MRC2: variants seen among roughly 807,000 people sequenced by gnomAD.
The protein encoded by MRC2 is mannose receptor C-type 2.
A neutral mutation model predicts 206.2 loss-of-function variants in MRC2; 84 were observed. The observed-to-expected ratio is 0.41, with a 90% CI of 0.34 to 0.49. The LOEUF (loss-of-function observed/expected upper bound fraction) is 0.49. Among genes scored for constraint, MRC2 ranks in the 20% least tolerant of loss-of-function variants. MRC2 has a pLI of 0.31. For missense variants in MRC2, 1,676 were observed against 2,001.5 expected (o/e 0.84, Z 3.10); for synonymous variants, 798 against 800.0 (o/e 1.00, Z 0.04).
Position 62,680,930 on chromosome 17 carries a change from G to A in MRC2, c.2604G>A (p.Glu868=). The change falls in exon 17 of 30, where the codon GAG becomes GAA. Residue 868 remains glutamate (E), a synonymous_variant. Coordinates refer to ENST00000303375, the MANE Select transcript of MRC2 (RefSeq NM_006039.5). The surrounding 1 kb of genome is among the most constrained non-coding windows in gnomAD (Gnocchi z 4.8). ...AELTSVHSQA[E]LDFLSHNLQK... is the part of the protein sequence containing the mutation. ...TGACCTCGGTGCACAGCCAGGCGGA[G>A]CTAGACTTCCTGAGCCACAACTTGC... 1 of 1,613,186 alleles carries A rather than the reference G, an allele frequency of 6.2e-7. No individual in the cohort carries two copies. Among genetic ancestry groups the A allele is most frequent in the Non-Finnish European group, 8.5e-7 (1 of 1,179,924 alleles).
chr17:62,635,191 CTTTTTTT>C (rs35446845), intron 1 of MRC2, among the ~76,000 whole-genome samples: 126 of 101,736 alleles, frequency 1.2e-3, no homozygotes, highest in African/African-American at 4.0e-3. Flanking sequence ...CTATTTTTCT[CTTTTTTT>C]TTTTTTTTTT....
At chr17:62,684,466 CATT>C (rs950795865) in intron 20 of MRC2, among the ~76,000 whole-genome samples, 3 of 152,182 alleles carry the variant, frequency 2.0e-5, no homozygotes, top group Non-Finnish European at 4.4e-5. Context: ...GGGGCACTGA[CATT>C]AATCACTATG....
chr17:62,689,717 G>T lies in MRC2; in HGVS notation c.3530G>T (p.Arg1177Leu), dbSNP rs143651722. The change falls in exon 24 of 30, where the codon CGA becomes CTA. Residue 1177 changes from arginine (R) to leucine (L), a missense_variant. This residue lies in a region of MRC2 where 1,354 missense variants were observed against 1,636.6 expected (regional missense o/e 0.83). Coordinates refer to ENST00000303375, the MANE Select transcript of MRC2 (RefSeq NM_006039.5). ...YTQAFLTQAA[R>L]GLRTPLWIGL... is the part of the protein sequence containing the mutation. ...CAGGCCTTCCTCACGCAGGCTGCCC[G>T]AGGGCTGCGCACGCCGCTCTGGATT... The T allele has an allele frequency of 4.5e-6, 7 of 1,567,442 alleles. No homozygotes were observed. The East Asian group carries it at 7.0e-5, about 16-fold the overall frequency.
rs374551169 is a variant in MRC2, at chr17:62,689,986, C to T, written c.3666C>T (p.Tyr1222=). The part of the protein sequence containing the change: ...GEPQQPGGCT[Y]VDVDGAWRTT... ...CGCAGCAGCCGGGGGGCTGTACCTA[C>T]GTAGATGTGGACGGGGCCTGGCGCA... The change falls in exon 25 of 30, where the codon TAC becomes TAT. Residue 1222 remains tyrosine (Y), a synonymous_variant. Transcript: ENST00000303375. 16 of 1,612,506 alleles carry T rather than the reference C, an allele frequency of 9.9e-6. No individual in the cohort carries two copies. The highest frequency in any genetic ancestry group is 1.7e-5 in the Admixed American group (1 of 59,952).
At chr17:62,679,597 C>T in intron 13 of MRC2, 1 of 460,654 alleles carries the variant, frequency 2.2e-6, no homozygotes, top group Admixed American at 3.8e-5. Context: ...CTTGGTCCAG[C>T]TCTCCCCAGC....
rs1451701185 is a variant in MRC2 at position 62,692,573 on chromosome 17, G to C, written c.*122G>C. On this transcript the variant is annotated 3_prime_UTR_variant, in exon 30 of 30. Transcript: ENST00000303375. This position sits in a 1 kb window ranked among gnomAD's most constrained non-coding sequence, Gnocchi z 4.2. ...TGGAAGGGTGCCCTTGGGAGTCGCT[G>C]TTGGGAGCCGGAGCTGGGCAGAGCC... The C allele has an allele frequency of 1.3e-5, 13 of 1,030,328 alleles. No homozygotes were observed. The highest frequency in any genetic ancestry group is 1.8e-5 in the Non-Finnish European group (13 of 714,268). 63.8% of individuals were successfully genotyped at this position (1,030,328 alleles called of 1,614,324 possible).
At chr17:62,654,972 C>T (rs192965385) in intron 1 of MRC2, among the ~76,000 whole-genome samples, 104 of 152,256 alleles carry the variant, frequency 6.8e-4, no homozygotes, top group East Asian at 1.2e-3. Flanking sequence ...AGCAAGACTC[C>T]GTCTCTACAA....
At chr17:62,681,289 G>C (rs2088963414) in intron 18 of MRC2, 160 bp downstream of exon 18, 1 of 805,998 alleles carries the variant, frequency 1.2e-6, no homozygotes, top group East Asian at 2.7e-5. Flanking sequence ...TTTCTCATCT[G>C]AAAATGGGAA....
At chr17:62,653,333 C>T (rs1020327125) in intron 1 of MRC2, among the ~76,000 whole-genome samples, 11 of 152,030 alleles carry the variant, frequency 7.2e-5, no homozygotes, top group Non-Finnish European at 1.5e-4. Context: ...ACCCCAGGGG[C>T]GGGGCTAGCT....
intron 1 of MRC2, among the ~76,000 whole-genome samples, chr17:62,653,780 T>C (rs1362784179): frequency 6.6e-6 from 1 of 151,742 alleles, no homozygotes; most frequent in East Asian, 1.9e-4. Flanking sequence ...AGGTGGCCGG[T>C]AGAGGGAAAC....
intron 11 of MRC2, 173 bp downstream of exon 11, chr17:62,676,704 T>G: frequency 1.4e-6 from 1 of 695,808 alleles, no homozygotes; most frequent in Non-Finnish European, 2.2e-6. Flanking sequence ...ATCATGACTC[T>G]GCCATCTTTT....
In MRC2 at chr17:62,628,026, AGCGTGTGT is replaced by A. The variant is rs2084183479; in HGVS notation, c.118+116_118+123del. On this transcript the variant is annotated intron_variant, in intron 1 of 29. Transcript: ENST00000303375. ...CCTTTTCCCCCCTCTTTTCTCCAGA[AGCGTGTGT>A]GCGTGTGTGTGTGACTGGGTTTTTA... is the stretch of plus-strand genomic sequence containing the variant. 5.5e-6 allele frequency: 4 copies of A among 724,752 alleles called. No individual in the cohort carries two copies. The East Asian group carries it at 1.0e-4, about 19-fold the overall frequency. The allele number at this position is 724,752 out of a possible 1,614,324, so 44.9% of individuals were successfully genotyped here. A position where few individuals can be genotyped will look rare whatever the true frequency, so the allele number is the denominator to read the frequency against.
At chr17:62,642,324 G>A (rs944255086) in intron 1 of MRC2, among the ~76,000 whole-genome samples, 57 of 152,224 alleles carry the variant, frequency 3.7e-4, no homozygotes, top group African/African-American at 1.1e-3. Context: ...AAACGTTTTT[G>A]GAAAGGGAAC....
chr17:62,655,478 C>T (rs556782606), intron 1 of MRC2, among the ~76,000 whole-genome samples: 21 of 152,178 alleles, frequency 1.4e-4, no homozygotes, highest in African/African-American at 4.8e-4. Context: ...GGAGGAGGAG[C>T]TTGCAGTGAG....
intron 2 of MRC2, among the ~76,000 whole-genome samples, chr17:62,665,786 G>A (rs752866362): frequency 3.9e-5 from 6 of 152,178 alleles, no homozygotes; most frequent in East Asian, 1.9e-4. Context: ...AGATTCCACC[G>A]GGCTCAGCCC....
At position 62,689,909 on chromosome 17, in the gene MRC2, T is replaced by A. The variant is rs763928981; in HGVS notation, c.3589T>A (p.Ser1197Thr). 6.9e-6 allele frequency: 11 copies of A among 1,599,482 alleles called. No individual in the cohort carries two copies. In the South Asian group the frequency reaches 1.2e-4, roughly 18 times the overall value. Residue 1197 changes from serine (S) to threonine (T), a missense_variant, in exon 25 of 30, where the codon TCC (serine) becomes ACC (threonine). Ser to Thr is a moderately conservative substitution (Grantham distance 58, BLOSUM62 1). Transcript: ENST00000303375. ...LAGEEGSRRY[S>T]WVSEEPLNYV... ...CCATGCCCAGGGCTCTCGGCGGTAC[T>A]CCTGGGTCTCAGAGGAGCCGCTGAA...
chr17:62,628,156 CGGCGGG>C (rs2084185041), intron 1 of MRC2, among the ~76,000 whole-genome samples: 1 of 137,212 alleles, frequency 7.3e-6, no homozygotes, highest in Non-Finnish European at 1.6e-5. Context: ...ATGTGGCGGG[CGGCGGG>C]GGAGGGGAGC....
chr17:62,690,946 C>T lies in MRC2; in HGVS notation c.4013-3C>T. ...TGCTCCCTCAGTGCCTTCTTTCCTG[C>T]AGGAGGCACTCTGGTCTGGCAGGAC... On this transcript the variant is annotated splice_polypyrimidine_tract_variant and splice_region_variant and intron_variant, in intron 27 of 29. Coordinates refer to ENST00000303375, the MANE Select transcript of MRC2 (RefSeq NM_006039.5). 1 of 1,594,914 alleles carries T rather than the reference C, an allele frequency of 6.3e-7. No individual in the cohort carries two copies. The highest frequency in any genetic ancestry group is 2.3e-5 in the East Asian group (1 of 44,274).
chr17:62,666,849 A>C lies in MRC2; in HGVS notation c.952A>C (p.Lys318Gln), dbSNP rs1437080230. 1 of 1,613,712 alleles carries C rather than the reference A, an allele frequency of 6.2e-7. No homozygotes were observed. Among genetic ancestry groups the C allele is most frequent in the East Asian group, 2.2e-5 (1 of 44,830 alleles). The change falls in exon 5 of 30, where the codon AAG becomes CAG. Residue 318 changes from lysine to glutamine, a missense_variant. By Grantham distance (53) the Lys-to-Gln change is moderately conservative. Around this residue, in one of 3 missense-constraint regions of MRC2, gnomAD observed 1,354 missense variants for 1,636.6 expected, o/e 0.83. Transcript: ENST00000303375. The surrounding 1 kb of genome is among the most constrained non-coding windows in gnomAD (Gnocchi z 5.0). ...GCAGTGGTCGGACAACTCGCCCCTC[A>C]AGTACCTCAACTGGGAGAGTGGTGA... ...GWQWSDNSPL[K>Q]YLNWESDQPD... is the part of the protein sequence containing the mutation.
Sources: gnomAD v4.1 joint callset for allele counts (sites outside exome capture counted in the v4.1 genomes callset) on GRCh38, gnomAD v4.1.1 for gene constraint, gnomAD v4.1.1 regional missense constraint, Gnocchi (gnomAD v3.1) non-coding constraint, MANE v1.5 for transcripts, NCBI Gene and HGNC (gene_info 2026-07-23, HGNC 2026-07-21) for gene names.